The following MMP26 variants were observed in gnomAD, a reference collection of about 807,000 sequenced individuals.
The protein encoded by MMP26 is matrix metalloproteinase-26.
Under a neutral mutation model 31.0 loss-of-function variants are expected in MMP26, and 33 were observed. That is an observed-to-expected ratio of 1.06 (90% CI 0.81 to 1.42). The LOEUF is 1.42. Among genes scored for constraint, MMP26 ranks in the 40% most tolerant of loss-of-function variants. The pLI is 0.00. For missense variants in MMP26, 347 were observed against 316.1 expected (o/e 1.10, Z -0.74); for synonymous variants, 122 against 114.9 (o/e 1.06, Z -0.40).
intron 2 of MMP26, among the ~76,000 whole-genome samples, chr11:4,778,486 G>C (rs559036550): frequency 3.3e-5 from 5 of 151,990 alleles, no homozygotes; most frequent in Non-Finnish European, 7.4e-5. Flanking sequence ...TGTCCCATTT[G>C]CCTATGTGTC....
At chr11:4,913,690 C>A (rs970814906) in intron 2 of MMP26, 2 of 152,290 alleles carry the variant, frequency 1.3e-5, no homozygotes, top group Middle Eastern at 3.4e-3. Context: ...TTTTCTTAAA[C>A]CTTCCTGACA....
chr11:4,765,260 G>A (rs1210785760), intron 1 of MMP26, among the ~76,000 whole-genome samples: 1 of 152,140 alleles, frequency 6.6e-6, no homozygotes, highest in Admixed American at 6.5e-5. Context: ...AGAAGGTATA[G>A]AACTCTGCTG....
chr11:4,941,981 A>G (rs1314041755), intron 2 of MMP26, among the ~76,000 whole-genome samples: 1 of 150,638 alleles, frequency 6.6e-6, no homozygotes, highest in African/African-American at 2.4e-5. Context: ...GCTACTCAGG[A>G]GACTGAGGCA....
intron 1 of MMP26, among the ~76,000 whole-genome samples, chr11:4,765,121 C>T (rs1044326692): frequency 7.2e-5 from 11 of 152,130 alleles, no homozygotes; most frequent in African/African-American, 2.7e-4. Flanking sequence ...AAAATATTCT[C>T]TTCATATGTC....
At chr11:4,973,237 G>A (rs896124887) in intron 2 of MMP26, 2 of 157,346 alleles carry the variant, frequency 1.3e-5, no homozygotes, top group African/African-American at 4.8e-5. Flanking sequence ...TGTAGGACAT[G>A]AAAATAAATG....
At chr11:4,915,355 A>G in intron 2 of MMP26, 1 of 1,614,088 alleles carries the variant, frequency 6.2e-7, no homozygotes, top group Non-Finnish European at 8.5e-7. Context: ...AGAGCTGAGC[A>G]AAGCAGGCAT....
rs527259658 is a variant in MMP26, at chr11:4,957,707, G to A, written c.-144-30361G>A. ...TTTTTTTCTTTTTTTTTTGGAGATAGAGTCTCACTCTGTCACCCAGGTTGG... is the reference window on the plus strand; with the variant it reads ...TTTTTTTCTTTTTTTTTTGGAGATAAAGTCTCACTCTGTCACCCAGGTTGG... On this transcript the variant is annotated intron_variant, in intron 2 of 7. Transcript: ENST00000380390. 3.3e-5 allele frequency among the ~76,000 whole-genome samples: 5 copies of A among 150,362 alleles called. No individual in the cohort carries two copies. The East Asian group carries it at 9.8e-4, about 29-fold the overall frequency.
At chr11:4,741,980 C>T (rs75503158) in intron 1 of MMP26, among the ~76,000 whole-genome samples, 1,818 of 152,164 alleles carry the variant, frequency 0.012, 36 homozygotes, top group African/African-American at 0.041. Flanking sequence ...TTGATCTGTG[C>T]GCCATACAGA....
At chr11:4,896,890 A>G (rs567387742) in intron 2 of MMP26, among the ~76,000 whole-genome samples, 2 of 152,188 alleles carry the variant, frequency 1.3e-5, no homozygotes, top group South Asian at 2.1e-4. Context: ...TTCCTACTAC[A>G]TGCAAATACA....
Position 4,803,999 on chromosome 11 carries a change from C to T in MMP26, c.-145+36658C>T, listed in dbSNP as rs1290094974. 3.7e-6 allele frequency: 6 copies of T among 1,613,804 alleles called. No homozygotes were observed. Among genetic ancestry groups the T allele is most frequent in the Non-Finnish European group, 5.1e-6 (6 of 1,179,992 alleles). ...GAGTGTCGGAGTGGGAAGCAGATAG[C>T]CACGTAGCAGTCCAGGGCCATAGCC... On this transcript the variant is annotated intron_variant, in intron 2 of 7. Coordinates refer to ENST00000380390, the MANE Select transcript of MMP26 (RefSeq NM_021801.5).
chr11:4,801,191 C>T (rs540892187), intron 2 of MMP26, among the ~76,000 whole-genome samples: 1 of 152,206 alleles, frequency 6.6e-6, no homozygotes, highest in Non-Finnish European at 1.5e-5. Flanking sequence ...ACTCTTCTAA[C>T]CTCTGCCCAT....
intron 2 of MMP26, among the ~76,000 whole-genome samples, chr11:4,902,022 CT>C (rs1311900548): frequency 5.9e-5 from 9 of 152,304 alleles, no homozygotes; most frequent in Admixed American, 4.6e-4. Flanking sequence ...TGACATAAAA[CT>C]TTAAACTGAT....
chr11:4,818,476 T>A (rs1849450601), intron 2 of MMP26, among the ~76,000 whole-genome samples: 1 of 152,114 alleles, frequency 6.6e-6, no homozygotes, highest in Admixed American at 6.5e-5. Context: ...TAAAATTTTC[T>A]TGACTGTCTT....
In MMP26 at chr11:4,790,209, C is replaced by A. The variant is rs1308783525; in HGVS notation, c.-145+22868C>A. On this transcript the variant is annotated intron_variant, in intron 2 of 7. Transcript: ENST00000380390. ...ACAAAAAATTAGCCGGGTGTGGTGG[C>A]ACGTGCCTATAATCCCAGCTACTCG... 2.6e-5 allele frequency among the ~76,000 whole-genome samples: 4 copies of A among 151,990 alleles called. No homozygotes were observed. In the East Asian group the frequency reaches 7.8e-4, roughly 30 times the overall value.
chr11:4,940,415 C>T (rs1846190529), intron 2 of MMP26, among the ~76,000 whole-genome samples: 1 of 152,044 alleles, frequency 6.6e-6, no homozygotes, highest in Admixed American at 6.6e-5. Flanking sequence ...ACATTTAGTC[C>T]ATCCTTTCAG....
At chr11:4,958,017 A>T (rs1165624756) in intron 2 of MMP26, among the ~76,000 whole-genome samples, 1 of 152,184 alleles carries the variant, frequency 6.6e-6, no homozygotes, top group Non-Finnish European at 1.5e-5. Context: ...TCCCAGCAGA[A>T]AATTACTCCA....
At chr11:4,963,860 T>C (rs1463469795) in intron 2 of MMP26, among the ~76,000 whole-genome samples, 7 of 152,226 alleles carry the variant, frequency 4.6e-5, no homozygotes, top group Admixed American at 3.9e-4. Flanking sequence ...ATTTCTCTAA[T>C]GATCAGTGAG....
At chr11:4,774,641 T>C (rs1188759766) in intron 2 of MMP26, among the ~76,000 whole-genome samples, 2 of 152,070 alleles carry the variant, frequency 1.3e-5, no homozygotes, top group Admixed American at 6.6e-5. Context: ...AATTAGATCC[T>C]GTTTGTCAAT....
intron 1 of MMP26, among the ~76,000 whole-genome samples, chr11:4,728,030 T>A (rs1365211682): frequency 6.6e-6 from 1 of 152,164 alleles, no homozygotes; most frequent in Non-Finnish European, 1.5e-5. Context: ...GAAGTAAAAT[T>A]TTAAAAACAA....
Sources: gnomAD v4.1 joint callset for allele counts (sites outside exome capture counted in the v4.1 genomes callset) on GRCh38, gnomAD v4.1.1 for gene constraint, MANE v1.5 for transcripts, NCBI Gene and HGNC (gene_info 2026-07-23, HGNC 2026-07-21) for gene names.